Variants in AFF3 observed in about 807,000 individuals in gnomAD.
AFF3 encodes the protein ALF transcription elongation factor 3.
A neutral mutation model predicts 129.7 loss-of-function variants in AFF3; 32 were observed. That is an observed-to-expected ratio of 0.25 (90% CI 0.19 to 0.33). The LOEUF (loss-of-function observed/expected upper bound fraction) is 0.33. AFF3 is among the 10% of genes least tolerant of loss of function. The pLI, the probability that AFF3 is intolerant of heterozygous loss-of-function variation, is 1.00. For missense variants in AFF3, 1,373 were observed against 1,592.0 expected (o/e 0.86, Z 2.34); for synonymous variants, 644 against 635.4 (o/e 1.01, Z -0.20).
intron 7 of AFF3, among the ~76,000 whole-genome samples, chr2:99,942,325 A>G (rs1476335898): frequency 6.6e-6 from 1 of 152,158 alleles, no homozygotes; most frequent in Non-Finnish European, 1.5e-5. Flanking sequence ...TCCAAGGGCT[A>G]CGTTCACAAG....
chr2:100,139,345 G>C (rs1692768918), intron 1 of AFF3, among the ~76,000 whole-genome samples: 1 of 152,134 alleles, frequency 6.6e-6, no homozygotes, highest in Non-Finnish European at 1.5e-5. Context: ...GGTAGTTTAA[G>C]CAGGATCTAA....
intron 7 of AFF3, among the ~76,000 whole-genome samples, chr2:99,992,929 G>C (rs1351910291): frequency 6.6e-6 from 1 of 152,214 alleles, no homozygotes; most frequent in Non-Finnish European, 1.5e-5. Flanking sequence ...TCTCTGGCCA[G>C]TACGGTGTGA....
intron 7 of AFF3, among the ~76,000 whole-genome samples, chr2:99,914,211 G>A (rs77146970): frequency 2.0e-5 from 3 of 152,118 alleles, no homozygotes; most frequent in African/African-American, 4.8e-5. Flanking sequence ...GATGTGCAAC[G>A]AACTGAGAAG....
In AFF3 at chr2:99,986,201, AAATAATAATAATAATAATAATAATAAT is replaced by A. The variant is rs35535526; in HGVS notation, c.873+20404_873+20430del. On this transcript the variant is annotated intron_variant, in intron 7 of 24. Coordinates refer to ENST00000672756, the MANE Select transcript of AFF3 (RefSeq NM_001386135.1). ...GGGCGACAGAGCGAGACTTCATCTCAAATAATAATAATAATAATAATAATAATAATAATAATAATAATAATAATAATG... is the reference window on the plus strand; with the variant it reads ...GGGCGACAGAGCGAGACTTCATCTCAAATAATAATAATAATAATAATAATG... Among the ~76,000 whole-genome samples the A allele has an allele frequency of 6.6e-5, 9 of 137,102 alleles. No individual in the cohort carries two copies. The East Asian group carries it at 1.3e-3, about 20-fold the overall frequency. 89.9% of individuals were successfully genotyped at this position (137,102 alleles called of 152,430 possible).
chr2:100,052,562 C>T (rs1686427380), intron 4 of AFF3, among the ~76,000 whole-genome samples: 1 of 152,112 alleles, frequency 6.6e-6, no homozygotes, highest in Admixed American at 6.5e-5. Context: ...ACCACCTATA[C>T]TCCTTGTCCC....
intron 7 of AFF3, among the ~76,000 whole-genome samples, chr2:100,000,493 ATC>A (rs756074765): frequency 5.4e-5 from 8 of 148,820 alleles, no homozygotes; most frequent in Non-Finnish European, 8.9e-5. Flanking sequence ...GTAGAATTTC[ATC>A]TCTCTCTAGC....
chr2:99,551,489 G>A lies in AFF3; in HGVS notation c.3666C>T (p.Ser1222=), dbSNP rs1354777142. The A allele has an allele frequency of 3.7e-6, 6 of 1,614,088 alleles. No individual in the cohort carries two copies. The highest frequency in any genetic ancestry group is 2.2e-5 in the East Asian group (1 of 44,880). ...SQQGLHWLRN[S]AHLS is the part of the protein sequence containing the mutation. ...GGTGAGGTCCCTATGACAGGTGGGCGCTGTTCCGCAGCCAGTGCAGGCCCT... is the reference window on the plus strand; with the variant it reads ...GGTGAGGTCCCTATGACAGGTGGGCACTGTTCCGCAGCCAGTGCAGGCCCT... The change falls in exon 25 of 25, where the codon AGC becomes AGT. Residue 1222 remains serine (S), a synonymous_variant. Transcript: ENST00000672756.
At chr2:99,715,546 A>G (rs1439013855) in intron 11 of AFF3, among the ~76,000 whole-genome samples, 1 of 152,138 alleles carries the variant, frequency 6.6e-6, no homozygotes, top group East Asian at 1.9e-4. Context: ...CTGAGCTTAT[A>G]ATAGTTTCCA....
intron 8 of AFF3, among the ~76,000 whole-genome samples, chr2:99,816,076 T>C (rs6542899): frequency 0.084 from 12,793 of 151,814 alleles, 1,818 homozygotes; most frequent in African/African-American, 0.29. Context: ...GCATTTCAGT[T>C]TGGGTAACTT....
At chr2:99,784,648 G>A (rs1432684631) in intron 8 of AFF3, among the ~76,000 whole-genome samples, 1 of 152,126 alleles carries the variant, frequency 6.6e-6, no homozygotes, top group Admixed American at 6.5e-5. Context: ...TTAGGCTATC[G>A]GCATTTGAGA....
At position 99,593,354 on chromosome 2, in the gene AFF3, T is replaced by C. The variant is rs200425747; in HGVS notation, c.2307A>G (p.Lys769=). 1.3e-4 allele frequency: 208 copies of C among 1,613,952 alleles called. 1 individual carries two copies. In the East Asian group the frequency reaches 4.6e-3, roughly 36 times the overall value. Residue 769 remains lysine (K), a synonymous_variant, in exon 15 of 25, where the codon AAA becomes AAG. Coordinates refer to ENST00000672756, the MANE Select transcript of AFF3 (RefSeq NM_001386135.1). ...DSDEIRSLWV[K]IDLTLLSRIP... is the part of the protein sequence containing the mutation. ...TCCTGGACAGGAGGGTCAGGTCGATTTTGACCCAGAGAGACCTGATCTCAT... is the reference window on the plus strand; with the variant it reads ...TCCTGGACAGGAGGGTCAGGTCGATCTTGACCCAGAGAGACCTGATCTCAT...
chr2:99,649,410 A>G (rs1356433348), intron 13 of AFF3, among the ~76,000 whole-genome samples: 1 of 152,224 alleles, frequency 6.6e-6, no homozygotes, highest in African/African-American at 2.4e-5. Context: ...TCATTGCACA[A>G]CAAGGGATTC....
At chr2:99,844,429 CTTTTCTTTTTTTTT>C (rs1377985677) in intron 7 of AFF3, among the ~76,000 whole-genome samples, 3 of 86,518 alleles carry the variant, frequency 3.5e-5, no homozygotes, top group Non-Finnish European at 7.5e-5. Context: ...ACTATTTTTT[CTTTTCTTTTTTTTT>C]TTTTTTTTTT....
rs532084553 is a variant in AFF3, at chr2:99,810,654, G to T, written c.921+26823C>A. Among the ~76,000 whole-genome samples the T allele has an allele frequency of 2.4e-4, 36 of 152,298 alleles. 1 individual carries two copies. In the South Asian group the frequency reaches 7.2e-3, roughly 31 times the overall value. On this transcript the variant is annotated intron_variant, in intron 8 of 24. Transcript: ENST00000672756. ...TTCAAGTGTGTGAGTGTGTGTGTGT[G>T]TGTGTTGGCTTTCCATCTCCGCTTA...
At chr2:99,678,775 T>A (rs1263398647) in intron 11 of AFF3, among the ~76,000 whole-genome samples, 1 of 152,242 alleles carries the variant, frequency 6.6e-6, no homozygotes, top group Non-Finnish European at 1.5e-5. Flanking sequence ...CCTGAGAGCC[T>A]ATTCATTATG....
At chr2:100,079,652 C>T (rs1306155871) in intron 4 of AFF3, among the ~76,000 whole-genome samples, 1 of 152,088 alleles carries the variant, frequency 6.6e-6, no homozygotes, top group East Asian at 1.9e-4. Flanking sequence ...TCTTGTGGCC[C>T]CCCAACAGAA....
chr2:99,724,012 C>G (rs1016621240), intron 11 of AFF3, among the ~76,000 whole-genome samples: 1 of 152,196 alleles, frequency 6.6e-6, no homozygotes. Context: ...GACACCCTGA[C>G]TGGGACTTCC....
intron 8 of AFF3, among the ~76,000 whole-genome samples, chr2:99,792,572 A>G (rs759414846): frequency 4.6e-5 from 7 of 152,350 alleles, no homozygotes; most frequent in Admixed American, 2.0e-4. Flanking sequence ...TTCGGAGCAA[A>G]GCAATTTGTT....
At chr2:99,613,654 G>C (rs1681147202) in intron 13 of AFF3, among the ~76,000 whole-genome samples, 1 of 151,970 alleles carries the variant, frequency 6.6e-6, no homozygotes, top group Non-Finnish European at 1.5e-5. Context: ...AATAACTCTA[G>C]TATTTTCTGG....
Sources: allele counts gnomAD v4.1 joint callset (sites outside exome capture counted in the v4.1 genomes callset), GRCh38; gene constraint gnomAD v4.1.1; transcripts MANE v1.5; gene names NCBI Gene and HGNC (gene_info 2026-07-23, HGNC 2026-07-21).